The following NRXN3 variants were observed in gnomAD, a reference collection of about 807,000 sequenced individuals.
NRXN3 encodes the protein neurexin III.
A neutral mutation model predicts 137.6 loss-of-function variants in NRXN3; 32 were observed. The observed-to-expected ratio is 0.23, with a 90% CI of 0.18 to 0.31. NRXN3 has a LOEUF of 0.31. Ranked by LOEUF, NRXN3 falls within the 10% of genes least tolerant of loss-of-function variation. The probability of loss-of-function intolerance (pLI) is 1.00; values close to 1 mark genes in which losing one functional copy is unlikely to be tolerated. For synonymous variants in NRXN3, 798 were observed against 784.5 expected (o/e 1.02, Z -0.29); for missense variants, 1,574 against 2,062.5 (o/e 0.76, Z 4.59).
chr14:78,915,117 T>C (rs1052165595), intron 10 of NRXN3, among the ~76,000 whole-genome samples: 1 of 152,012 alleles, frequency 6.6e-6, no homozygotes, highest in Non-Finnish European at 1.5e-5. Context: ...TTGTGAAAGA[T>C]GACCCTGAGG....
intron 4 of NRXN3, among the ~76,000 whole-genome samples, chr14:78,469,756 C>A (rs915359204): frequency 2.0e-5 from 3 of 152,176 alleles, no homozygotes; most frequent in Non-Finnish European, 1.5e-5. Context: ...TTGTCCCATT[C>A]AAACCGAGCT....
chr14:79,031,312 C>T (rs1489905731), intron 15 of NRXN3, among the ~76,000 whole-genome samples: 1 of 151,934 alleles, frequency 6.6e-6, no homozygotes, highest in Non-Finnish European at 1.5e-5. Context: ...AAAAATAGAA[C>T]TTAAATGATT....
intron 15 of NRXN3, among the ~76,000 whole-genome samples, chr14:79,002,504 T>G (rs540050281): frequency 2.6e-5 from 4 of 152,308 alleles, no homozygotes; most frequent in African/African-American, 9.6e-5. Context: ...TTGCTGAGAA[T>G]AATGGCTTCC....
rs146173140 is a variant in NRXN3 at position 79,378,449 on chromosome 14, T to C, written c.3263-88772T>C. 2.0e-3 allele frequency among the ~76,000 whole-genome samples: 299 copies of C among 152,282 alleles called. 4 individuals carry two copies. The East Asian group carries it at 0.027, about 14-fold the overall frequency. On this transcript the variant is annotated intron_variant, in intron 15 of 20. Coordinates refer to ENST00000335750, the MANE Select transcript of NRXN3 (RefSeq NM_001330195.2). ...AGAGAAGAGACTGGTGGCTTTGTCA[T>C]TGACTTTCTTGTTCAGATGTAAGAG... is the stretch of plus-strand genomic sequence containing the variant.
chr14:78,577,257 G>T (rs931264866), intron 4 of NRXN3, among the ~76,000 whole-genome samples: 1 of 152,154 alleles, frequency 6.6e-6, no homozygotes, highest in Non-Finnish European at 1.5e-5. Context: ...TAATGTAATT[G>T]TTGGTCCTCA....
chr14:78,773,336 T>C (rs1439477776), intron 8 of NRXN3, among the ~76,000 whole-genome samples: 2 of 152,106 alleles, frequency 1.3e-5, no homozygotes, highest in East Asian at 3.9e-4. Context: ...AGGAGTGAGA[T>C]TCCTACTCCT....
intron 15 of NRXN3, among the ~76,000 whole-genome samples, chr14:79,064,551 G>GACTC (rs1269743023): frequency 6.6e-6 from 1 of 151,658 alleles, no homozygotes; most frequent in Non-Finnish European, 1.5e-5. Flanking sequence ...TTAGGGACTG[G>GACTC]ACTCAGCATT....
chr14:78,628,391 A>G (rs1381216843), intron 4 of NRXN3, among the ~76,000 whole-genome samples: 1 of 152,164 alleles, frequency 6.6e-6, no homozygotes, highest in Non-Finnish European at 1.5e-5. Context: ...ATTTTTTTAT[A>G]CTTCACAATA....
intron 1 of NRXN3, among the ~76,000 whole-genome samples, chr14:78,183,846 G>C (rs770380950): frequency 3.9e-5 from 6 of 152,190 alleles, no homozygotes; most frequent in Non-Finnish European, 8.8e-5. Context: ...TGACTCTACA[G>C]ATTTCTGAAA....
chr14:79,809,482 C>T lies in NRXN3; in HGVS notation c.4093+4292C>T, dbSNP rs193152016. Reference sequence around the variant, plus strand: ...TAACAAAGTTATTCTCTGCTTTTTCCTATCCCTACCTTTTTCTGGGAACTA... The same window carrying T: ...TAACAAAGTTATTCTCTGCTTTTTCTTATCCCTACCTTTTTCTGGGAACTA... On this transcript the variant is annotated intron_variant, in intron 20 of 20. Coordinates refer to ENST00000335750, the MANE Select transcript of NRXN3 (RefSeq NM_001330195.2). Among the ~76,000 whole-genome samples, 207 of 152,252 alleles carry T rather than the reference C, an allele frequency of 1.4e-3. 1 individual carries two copies. The highest frequency in any genetic ancestry group is 4.8e-3 in the African/African-American group (198 of 41,556).
chr14:78,387,188 T>A (rs2090095416), intron 4 of NRXN3, among the ~76,000 whole-genome samples: 1 of 152,212 alleles, frequency 6.6e-6, no homozygotes, highest in Non-Finnish European at 1.5e-5. Context: ...ATTTTATACT[T>A]CAAGTCATTT....
At position 78,951,937 on chromosome 14, in the gene NRXN3, C is replaced by T. The variant is rs17108386; in HGVS notation, c.2276-5305C>T. ...TTGAACTTGTTATATGTGGCAGTCT[C>T]AATGGTATGTTTGCTTATTAAATCC... On this transcript the variant is annotated intron_variant, in intron 10 of 20. Coordinates refer to ENST00000335750, the MANE Select transcript of NRXN3 (RefSeq NM_001330195.2). Among the ~76,000 whole-genome samples, 910 of 152,270 alleles carry T rather than the reference C, an allele frequency of 6.0e-3. 14 individuals carry two copies. The highest frequency in any genetic ancestry group is 0.021 in the African/African-American group (860 of 41,554).
chr14:78,451,127 C>T (rs559749344), intron 4 of NRXN3, among the ~76,000 whole-genome samples: 7 of 152,188 alleles, frequency 4.6e-5, no homozygotes, highest in African/African-American at 1.7e-4. Context: ...CTGCAGGGTC[C>T]TTGAGTCATG....
chr14:79,376,895 A>G (rs541464338), intron 15 of NRXN3, among the ~76,000 whole-genome samples: 3 of 152,198 alleles, frequency 2.0e-5, no homozygotes, highest in Non-Finnish European at 2.9e-5. Flanking sequence ...TTAATCTAAC[A>G]TGTTGCTTTT....
chr14:78,280,188 G>A (rs998774150), intron 3 of NRXN3, among the ~76,000 whole-genome samples: 1 of 152,118 alleles, frequency 6.6e-6, no homozygotes, highest in African/African-American at 2.4e-5. Context: ...GTGCCCTCAT[G>A]GACCTTTTAT....
intron 8 of NRXN3, among the ~76,000 whole-genome samples, chr14:78,748,047 G>T (rs2098620486): frequency 1.3e-5 from 2 of 151,914 alleles, no homozygotes; most frequent in African/African-American, 4.8e-5. Flanking sequence ...ACACATGAGG[G>T]GTATTATGTA....
At chr14:78,268,280 G>C (rs1184963304) in intron 2 of NRXN3, among the ~76,000 whole-genome samples, 2 of 148,092 alleles carry the variant, frequency 1.4e-5, no homozygotes, top group Non-Finnish European at 1.5e-5. Context: ...GTTTTGTTTT[G>C]TTTTGTTTTG....
chr14:79,653,049 C>A (rs546362061), intron 16 of NRXN3, among the ~76,000 whole-genome samples: 100 of 152,118 alleles, frequency 6.6e-4, no homozygotes, highest in African/African-American at 2.4e-3. Flanking sequence ...CCAGGACACA[C>A]ACACACACAC....
chr14:78,911,817 G>T (rs1351784811), intron 10 of NRXN3, among the ~76,000 whole-genome samples: 3 of 152,002 alleles, frequency 2.0e-5, no homozygotes, highest in African/African-American at 7.2e-5. Flanking sequence ...AAGACCCTAG[G>T]GTGGAGGATG....
Sources: gnomAD v4.1 joint callset for allele counts (sites outside exome capture counted in the v4.1 genomes callset) on GRCh38, gnomAD v4.1.1 for gene constraint, MANE v1.5 for transcripts, NCBI Gene and HGNC (gene_info 2026-07-23, HGNC 2026-07-21) for gene names.